Variants in RANBP17 observed in about 807,000 individuals in gnomAD.
RANBP17 encodes RAN binding protein 17.
In RANBP17, 158 loss-of-function variants were observed where a neutral mutation model predicts 141.2. The observed-to-expected ratio is 1.12, with a 90% CI of 0.98 to 1.28. The LOEUF (loss-of-function observed/expected upper bound fraction) is 1.28, where lower values mean the gene tolerates loss of function less well. Ranked by LOEUF, RANBP17 falls within the 50% of genes most tolerant of loss-of-function variation. RANBP17 has a pLI of 0.00. For missense variants in RANBP17, 1,438 were observed against 1,290.7 expected (o/e 1.11, Z -1.75); for synonymous variants, 430 against 450.0 (o/e 0.96, Z 0.56).
chr5:170,897,566 C>G (rs1406516466), intron 5 of RANBP17, among the ~76,000 whole-genome samples: 2 of 151,840 alleles, frequency 1.3e-5, no homozygotes, highest in Admixed American at 1.3e-4. Flanking sequence ...CCCTAGCCCC[C>G]CAACCCCCAA....
chr5:171,148,945 G>C (rs534803067), intron 14 of RANBP17, among the ~76,000 whole-genome samples: 4 of 152,120 alleles, frequency 2.6e-5, no homozygotes, highest in Non-Finnish European at 4.4e-5. Context: ...CTCAGTAAAC[G>C]ATAGCTGTTC....
chr5:170,960,572 T>C (rs1776061301), intron 13 of RANBP17, among the ~76,000 whole-genome samples: 1 of 152,222 alleles, frequency 6.6e-6, no homozygotes, highest in Admixed American at 6.5e-5. Flanking sequence ...TTCTATCTTT[T>C]AGTTACCTCA....
At chr5:170,950,831 C>T (rs77102541) in intron 12 of RANBP17, among the ~76,000 whole-genome samples, 2,591 of 152,170 alleles carry the variant, frequency 0.017, 69 homozygotes, top group African/African-American at 0.059. Context: ...AATCAACCTA[C>T]ATTCCCGTTG....
At chr5:171,241,657 A>C (rs962214398) in intron 23 of RANBP17, among the ~76,000 whole-genome samples, 14 of 152,336 alleles carry the variant, frequency 9.2e-5, no homozygotes, top group South Asian at 4.1e-4. Flanking sequence ...ACTTGAGTCA[A>C]ATCAGCCATA....
chr5:171,224,449 C>G (rs1402397056), intron 22 of RANBP17, among the ~76,000 whole-genome samples: 1 of 152,156 alleles, frequency 6.6e-6, no homozygotes, highest in Non-Finnish European at 1.5e-5. Context: ...CTTCCAGTGT[C>G]ACTGACTTTC....
At chr5:171,009,098 C>T (rs1260101980) in intron 14 of RANBP17, among the ~76,000 whole-genome samples, 1 of 152,178 alleles carries the variant, frequency 6.6e-6, no homozygotes, top group Non-Finnish European at 1.5e-5. Context: ...CAAGAGACTT[C>T]CTGCCTCATT....
chr5:170,876,492 GGTTT>G (rs1561846587), intron 1 of RANBP17, among the ~76,000 whole-genome samples: 1 of 151,948 alleles, frequency 6.6e-6, no homozygotes, highest in African/African-American at 2.4e-5. Context: ...TAGTAATCTG[GGTTT>G]GTTTGGGCTA....
intron 13 of RANBP17, 99 bp from the exon 14 acceptor site, chr5:170,968,143 C>T: frequency 1.2e-6 from 1 of 804,004 alleles, no homozygotes. Flanking sequence ...CCACTTTTTA[C>T]AGTGATTATA....
At chr5:171,122,675 T>A (rs1189309522) in intron 14 of RANBP17, among the ~76,000 whole-genome samples, 1 of 152,132 alleles carries the variant, frequency 6.6e-6, no homozygotes, top group Non-Finnish European at 1.5e-5. Context: ...GCCATTGGAG[T>A]GCCCCTTGGC....
intron 25 of RANBP17, among the ~76,000 whole-genome samples, chr5:171,270,845 C>G (rs1029612376): frequency 6.6e-6 from 1 of 151,934 alleles, no homozygotes. Context: ...CAGAAATTAG[C>G]AAGAACTATT....
chr5:171,130,342 C>A (rs1756811404), intron 14 of RANBP17, among the ~76,000 whole-genome samples: 1 of 145,802 alleles, frequency 6.9e-6, no homozygotes, highest in African/African-American at 2.5e-5. Context: ...TTTTCATTTT[C>A]TTTGGAAATT....
intron 12 of RANBP17, among the ~76,000 whole-genome samples, chr5:170,941,793 A>G (rs1412583187): frequency 6.6e-6 from 1 of 152,234 alleles, no homozygotes; most frequent in East Asian, 1.9e-4. Flanking sequence ...AGGAATTCTT[A>G]TATACTTCTG....
At position 171,221,770 on chromosome 5, in the gene RANBP17, G is replaced by T. The variant is rs771950208; in HGVS notation, c.2352G>T (p.Leu784Phe). The change falls in exon 22 of 28, where the codon TTG becomes TTT. Residue 784 changes from leucine (L) to phenylalanine (F), a missense_variant. Physicochemically the swap from Leu to Phe is conservative, Grantham distance 22 (BLOSUM62 0). Transcript: ENST00000523189. ...AELMQNRSQR[L>F]NFDVSSPNGI... ...CTATATTTCTTAGATCCCAGCGTTT[G>T]AATTTTGATGTATCATCTCCTAATG... 9 of 1,608,144 alleles carry T rather than the reference G, an allele frequency of 5.6e-6. No individual in the cohort carries two copies. Among genetic ancestry groups the T allele is most frequent in the Middle Eastern group, 3.3e-4 (2 of 6,010 alleles).
At chr5:171,126,052 C>G (rs1361077299) in intron 14 of RANBP17, among the ~76,000 whole-genome samples, 1 of 152,118 alleles carries the variant, frequency 6.6e-6, no homozygotes, top group Non-Finnish European at 1.5e-5. Context: ...TCCCAAAGTG[C>G]TGGGATTGCA....
At chr5:171,237,278 A>G (rs1764603606) in intron 22 of RANBP17, among the ~76,000 whole-genome samples, 2 of 152,326 alleles carry the variant, frequency 1.3e-5, no homozygotes, top group South Asian at 2.1e-4. Flanking sequence ...CTCTTAAGCT[A>G]TTAATGAGGA....
In RANBP17 at chr5:171,260,129, G is replaced by T. The variant is rs536001596; in HGVS notation, c.2777-5552G>T. On this transcript the variant is annotated intron_variant, in intron 24 of 27. Coordinates refer to ENST00000523189, the MANE Select transcript of RANBP17 (RefSeq NM_022897.5). ...AGCCTGGCCAACATACTGAAACCCTGTCTCTACTAAAAATACAAAAATTAG... is the reference window on the plus strand; with the variant it reads ...AGCCTGGCCAACATACTGAAACCCTTTCTCTACTAAAAATACAAAAATTAG... Among the ~76,000 whole-genome samples, 150 of 151,494 alleles carry T rather than the reference G, an allele frequency of 9.9e-4. 1 individual carries two copies. The highest frequency in any genetic ancestry group is 3.5e-3 in the African/African-American group (143 of 41,292).
chr5:170,877,935 GT>G (rs1245014001), intron 1 of RANBP17, among the ~76,000 whole-genome samples, 161 bp from the exon 2 acceptor site: 1 of 152,144 alleles, frequency 6.6e-6, no homozygotes, highest in Non-Finnish European at 1.5e-5. Flanking sequence ...AGATGGGCCT[GT>G]TTTGTTTGCA....
chr5:171,099,513 G>T (rs796702537), intron 14 of RANBP17, among the ~76,000 whole-genome samples: 12 of 152,238 alleles, frequency 7.9e-5, no homozygotes, highest in African/African-American at 2.9e-4. Context: ...CTGAGATGTT[G>T]GGGTTTTCTA....
intron 18 of RANBP17, among the ~76,000 whole-genome samples, chr5:171,197,550 C>T (rs1220317983): frequency 6.6e-6 from 1 of 152,146 alleles, no homozygotes; most frequent in Non-Finnish European, 1.5e-5. Flanking sequence ...GCCATAGAAG[C>T]TAATCCGAAG....
Sources: gnomAD v4.1 joint callset for allele counts (sites outside exome capture counted in the v4.1 genomes callset) on GRCh38, gnomAD v4.1.1 for gene constraint, MANE v1.5 for transcripts, NCBI Gene and HGNC (gene_info 2026-07-23, HGNC 2026-07-21) for gene names.